Variants in MAGI1 observed in about 807,000 individuals in gnomAD.
MAGI1 encodes the protein membrane associated guanylate kinase, WW and PDZ domain containing 1.
Under a neutral mutation model 139.9 loss-of-function variants are expected in MAGI1, and 58 were observed. That is an observed-to-expected ratio of 0.41 (90% CI 0.34 to 0.52). MAGI1 has a LOEUF of 0.52. Among genes scored for constraint, MAGI1 ranks in the 20% least tolerant of loss-of-function variants. The pLI is 0.12. For missense variants in MAGI1, 1,874 were observed against 1,901.6 expected (o/e 0.99, Z 0.27); for synonymous variants, 812 against 737.9 (o/e 1.10, Z -1.63).
At chr3:65,457,832 GTACAAT>G (rs958924712) in intron 5 of MAGI1, among the ~76,000 whole-genome samples, 1 of 152,028 alleles carries the variant, frequency 6.6e-6, no homozygotes. Flanking sequence ...ATTTTTAAAT[GTACAAT>G]TACATTATTA....
chr3:65,442,818 G>A lies in MAGI1; in HGVS notation c.1110C>T (p.Asp370=). 2 of 1,613,062 alleles carry A rather than the reference G, an allele frequency of 1.2e-6. No homozygotes were observed. The highest frequency in any genetic ancestry group is 2.7e-5 in the African/African-American group (2 of 74,962). ...CTACATAGTAGATACCATAGACAGG[G>A]TCTTCAATCTTTTCCCAACCAGCAG... ...ELPAGWEKIE[D]PVYGIYYVDH... The change falls in exon 8 of 23, where the codon GAC becomes GAT. Residue 370 remains aspartate (D), a synonymous_variant. Transcript: ENST00000402939.
intron 1 of MAGI1, among the ~76,000 whole-genome samples, chr3:65,878,259 G>C (rs940872680): frequency 6.6e-6 from 1 of 152,174 alleles, no homozygotes; most frequent in East Asian, 1.9e-4. Flanking sequence ...GCTCACGCCT[G>C]TAATCCCATC....
chr3:65,811,525 G>C (rs144742083), intron 1 of MAGI1, among the ~76,000 whole-genome samples: 208 of 152,256 alleles, frequency 1.4e-3, no homozygotes, highest in African/African-American at 4.5e-3. Context: ...GCAAAGCAGA[G>C]TCTCTTTCTA....
intron 1 of MAGI1, among the ~76,000 whole-genome samples, chr3:65,941,771 A>C (rs1236403604): frequency 1.3e-5 from 2 of 152,182 alleles, no homozygotes; most frequent in East Asian, 3.9e-4. Flanking sequence ...TTAAAGGAAA[A>C]GTATTAACTT....
At chr3:65,581,068 A>T (rs2081396760) in intron 2 of MAGI1, among the ~76,000 whole-genome samples, 1 of 152,052 alleles carries the variant, frequency 6.6e-6, no homozygotes, top group Non-Finnish European at 1.5e-5. Flanking sequence ...CATCAAAAAT[A>T]TCTACACACC....
At chr3:65,804,306 G>C (rs758064694) in intron 1 of MAGI1, among the ~76,000 whole-genome samples, 24 of 149,870 alleles carry the variant, frequency 1.6e-4, no homozygotes, top group Non-Finnish European at 3.5e-4. Flanking sequence ...AGTGACATCA[G>C]AACATTAAGA....
At chr3:65,434,383 G>GA (rs1947684883) in intron 10 of MAGI1, among the ~76,000 whole-genome samples, 1 of 152,166 alleles carries the variant, frequency 6.6e-6, no homozygotes, top group Non-Finnish European at 1.5e-5. Context: ...GAGTGTGGTG[G>GA]AGGGGTAGCT....
At chr3:65,793,123 T>A (rs574676975) in intron 1 of MAGI1, among the ~76,000 whole-genome samples, 3 of 152,308 alleles carry the variant, frequency 2.0e-5, no homozygotes, top group Non-Finnish European at 2.9e-5. Flanking sequence ...TCTGAAGAAG[T>A]CATGCTTGGG....
chr3:65,431,713 G>A (rs1947468636), intron 10 of MAGI1, among the ~76,000 whole-genome samples: 1 of 152,044 alleles, frequency 6.6e-6, no homozygotes, highest in Non-Finnish European at 1.5e-5. Context: ...GGCTGGGGGT[G>A]TGGTGGCTCA....
chr3:65,867,532 C>A (rs927105345), intron 1 of MAGI1, among the ~76,000 whole-genome samples: 1 of 152,026 alleles, frequency 6.6e-6, no homozygotes, highest in African/African-American at 2.4e-5. Context: ...CCTAGGAGTT[C>A]GAGACTAGCC....
At chr3:65,432,234 T>C (rs918764935) in intron 10 of MAGI1, among the ~76,000 whole-genome samples, 1 of 152,138 alleles carries the variant, frequency 6.6e-6, no homozygotes, top group Non-Finnish European at 1.5e-5. Flanking sequence ...CTTTCATCTC[T>C]TCTAACTTTA....
chr3:65,773,484 G>A (rs1437013504), intron 1 of MAGI1, among the ~76,000 whole-genome samples: 3 of 152,194 alleles, frequency 2.0e-5, no homozygotes, highest in African/African-American at 7.2e-5. Flanking sequence ...AGTGAGCTAT[G>A]ATGGGGCCAC....
intron 1 of MAGI1, among the ~76,000 whole-genome samples, chr3:65,962,252 G>A (rs928079433): frequency 6.6e-6 from 1 of 151,170 alleles, no homozygotes; most frequent in Non-Finnish European, 1.5e-5. Context: ...CTGAGTAGCT[G>A]GGACTACAGG....
At chr3:65,536,251 T>C (rs1029597749) in intron 2 of MAGI1, among the ~76,000 whole-genome samples, 2 of 152,218 alleles carry the variant, frequency 1.3e-5, no homozygotes, top group Admixed American at 6.5e-5. Context: ...AAGCCTAGAT[T>C]CACCTTTGTA....
intron 1 of MAGI1, among the ~76,000 whole-genome samples, chr3:65,680,283 C>T (rs183025652): frequency 1.2e-4 from 18 of 152,296 alleles, no homozygotes; most frequent in Admixed American, 1.1e-3. Flanking sequence ...CTATACGGCA[C>T]CATCTCTGGC....
At chr3:65,536,701 A>G (rs1455951634) in intron 2 of MAGI1, among the ~76,000 whole-genome samples, 1 of 152,154 alleles carries the variant, frequency 6.6e-6, no homozygotes, top group East Asian at 1.9e-4. Context: ...GATCCTGGTT[A>G]ATCTAACCAG....
At chr3:65,382,269 T>C (rs1021198175) in intron 15 of MAGI1, among the ~76,000 whole-genome samples, 200 bp from the exon 16 acceptor site, 1 of 152,210 alleles carries the variant, frequency 6.6e-6, no homozygotes, top group African/African-American at 2.4e-5. Flanking sequence ...ATTTCTTGCT[T>C]AGTTTCCAGA....
chr3:65,606,479 T>C (rs879451281), intron 2 of MAGI1, among the ~76,000 whole-genome samples: 3 of 152,066 alleles, frequency 2.0e-5, no homozygotes, highest in Non-Finnish European at 2.9e-5. Context: ...TAGCTGCGAT[T>C]ACAGGTGTAT....
rs761343259 is a variant in MAGI1 at position 66,027,265 on chromosome 3, C to CAAAAAAATAAAT, written c.313+10730_313+10731insATTTATTTTTTT. Among the ~76,000 whole-genome samples the CAAAAAAATAAAT allele has an allele frequency of 1.7e-3, 121 of 69,832 alleles. 1 individual carries two copies. Among genetic ancestry groups the CAAAAAAATAAAT allele is most frequent in the African/African-American group, 3.0e-3 (66 of 22,076 alleles). 45.8% of individuals were successfully genotyped at this position (69,832 alleles called of 152,430 possible). On this transcript the variant is annotated intron_variant, in intron 1 of 22. Coordinates refer to ENST00000402939, the MANE Select transcript of MAGI1 (RefSeq NM_001033057.2). ...GCTGGGTGACAATGAGACTCCGTCT[C>CAAAAAAATAAAT]AAATAAATAAATAAATAAATAAATA...
Sources: allele counts gnomAD v4.1 joint callset (sites outside exome capture counted in the v4.1 genomes callset), GRCh38; gene constraint gnomAD v4.1.1; transcripts MANE v1.5; gene names NCBI Gene and HGNC (gene_info 2026-07-23, HGNC 2026-07-21).